FGF14: variants seen among roughly 807,000 people sequenced by gnomAD.
FGF14 encodes fibroblast growth factor 14.
Under a neutral mutation model 25.5 loss-of-function variants are expected in FGF14, and 5 were observed. The observed-to-expected ratio is 0.20, with a 90% CI of 0.10 to 0.41. The LOEUF (loss-of-function observed/expected upper bound fraction) is 0.41, where lower values mean the gene tolerates loss of function less well. Among genes scored for constraint, FGF14 ranks in the 10% least tolerant of loss-of-function variants. FGF14 has a pLI of 1.00. For synonymous variants in FGF14, 138 were observed against 118.3 expected (o/e 1.17, Z -1.08); for missense variants, 222 against 320.1 (o/e 0.69, Z 2.34).
chr13:101,862,558 G>T lies in FGF14; in HGVS notation c.408+6167C>A, dbSNP rs1436769160. 2.0e-5 allele frequency among the ~76,000 whole-genome samples: 3 copies of T among 152,072 alleles called. No individual in the cohort carries two copies. In the South Asian group the frequency reaches 6.2e-4, roughly 31 times the overall value. On this transcript the variant is annotated intron_variant, in intron 3 of 4. Transcript: ENST00000376143. ...GATGATTTATAACTAGTTAAATGCA[G>T]TTTACTAGCTGTATTTGTTTCTCAA...
chr13:102,016,033 A>T (rs1473265246), intron 1 of FGF14, among the ~76,000 whole-genome samples: 3 of 152,108 alleles, frequency 2.0e-5, no homozygotes, highest in Admixed American at 6.5e-5. Flanking sequence ...ATTTGGTATA[A>T]TATCCCTTCT....
At chr13:102,095,032 G>A (rs1008829252) in intron 1 of FGF14, among the ~76,000 whole-genome samples, 1 of 152,156 alleles carries the variant, frequency 6.6e-6, no homozygotes, top group African/African-American at 2.4e-5. Flanking sequence ...CATCATGAAA[G>A]CCTGGAAGGA....
intron 1 of FGF14, among the ~76,000 whole-genome samples, chr13:102,089,820 C>T (rs1045174002): frequency 6.6e-6 from 1 of 152,166 alleles, no homozygotes; most frequent in Non-Finnish European, 1.5e-5. Context: ...ATAATTTCTG[C>T]AGATCATTTT....
At chr13:101,858,955 TA>T (rs1440748538) in intron 3 of FGF14, among the ~76,000 whole-genome samples, 9 of 152,118 alleles carry the variant, frequency 5.9e-5, no homozygotes, top group Non-Finnish European at 1.5e-5. Context: ...CTCACTTCAT[TA>T]ATGCAAATAT....
chr13:102,274,858 T>C (rs2053429900), intron 1 of FGF14, among the ~76,000 whole-genome samples: 2 of 151,586 alleles, frequency 1.3e-5, no homozygotes, highest in South Asian at 2.1e-4. Flanking sequence ...GTAACCAATG[T>C]AGAGTTTTAG....
chr13:101,973,704 T>C (rs1329774573), intron 1 of FGF14, among the ~76,000 whole-genome samples: 1 of 152,178 alleles, frequency 6.6e-6, no homozygotes, highest in Non-Finnish European at 1.5e-5. Context: ...ATTCTAGCCG[T>C]GCTGGCAGCT....
At chr13:102,126,424 T>C (rs1298217376) in intron 1 of FGF14, among the ~76,000 whole-genome samples, 1 of 152,210 alleles carries the variant, frequency 6.6e-6, no homozygotes, top group Non-Finnish European at 1.5e-5. Context: ...TCTCAAATAT[T>C]CTATTGTATG....
At chr13:101,820,750 C>T (rs2042074167) in intron 3 of FGF14, among the ~76,000 whole-genome samples, 1 of 151,172 alleles carries the variant, frequency 6.6e-6, no homozygotes, top group Admixed American at 6.6e-5. Context: ...CTTATAGCTA[C>T]AGCTACAGTA....
chr13:102,065,593 A>C (rs546570229), intron 1 of FGF14, among the ~76,000 whole-genome samples: 34 of 152,238 alleles, frequency 2.2e-4, no homozygotes, highest in African/African-American at 7.7e-4. Context: ...TAGCCTTAAA[A>C]TTAAGGCATT....
chr13:101,955,707 T>C (rs985639979), intron 1 of FGF14, among the ~76,000 whole-genome samples: 3 of 152,300 alleles, frequency 2.0e-5, no homozygotes, highest in African/African-American at 4.8e-5. Flanking sequence ...GTATTCCCTA[T>C]GGTAAAATTA....
intron 1 of FGF14, among the ~76,000 whole-genome samples, chr13:102,321,859 C>A (rs2056256253): frequency 6.6e-6 from 1 of 152,198 alleles, no homozygotes; most frequent in African/African-American, 2.4e-5. Context: ...GCACCCCCTG[C>A]CAATGTCCCA....
At chr13:101,800,672 T>C (rs1283286607) in intron 3 of FGF14, among the ~76,000 whole-genome samples, 2 of 152,204 alleles carry the variant, frequency 1.3e-5, no homozygotes, top group African/African-American at 4.8e-5. Context: ...GATTGGCATA[T>C]TTTGTTGAAG....
chr13:102,140,457 A>G (rs2046601625), intron 1 of FGF14, among the ~76,000 whole-genome samples: 1 of 152,158 alleles, frequency 6.6e-6, no homozygotes, highest in Non-Finnish European at 1.5e-5. Context: ...TTTTACTTCA[A>G]AAAGAAACAA....
At chr13:101,953,749 G>C (rs1463249354) in intron 1 of FGF14, among the ~76,000 whole-genome samples, 1 of 151,424 alleles carries the variant, frequency 6.6e-6, no homozygotes, top group Non-Finnish European at 1.5e-5. Context: ...TGCCAACACG[G>C]CTGGCTAATT....
At chr13:102,088,884 G>A (rs182391123) in intron 1 of FGF14, among the ~76,000 whole-genome samples, 31 of 152,156 alleles carry the variant, frequency 2.0e-4, no homozygotes, top group African/African-American at 2.6e-4. Flanking sequence ...GAAAGTTACC[G>A]TATAAAGTAG....
intron 1 of FGF14, 104 bp from the exon 2 acceptor site, chr13:101,875,400 AG>A (rs2045339330): frequency 1.3e-6 from 1 of 776,544 alleles, no homozygotes; most frequent in Non-Finnish European, 2.2e-6. Flanking sequence ...ATTTTATACA[AG>A]TAGCATATTT....
intron 1 of FGF14, among the ~76,000 whole-genome samples, chr13:102,391,931 GC>G (rs2058442208): frequency 6.6e-6 from 1 of 152,164 alleles, no homozygotes; most frequent in Admixed American, 6.5e-5. Context: ...CAAATAAGTG[GC>G]TGTTGAAACA....
chr13:102,198,490 T>C (rs1168168363), intron 1 of FGF14, among the ~76,000 whole-genome samples: 2 of 152,224 alleles, frequency 1.3e-5, no homozygotes, highest in African/African-American at 4.8e-5. Context: ...GGCAGCCACC[T>C]AGTCTTAAAA....
chr13:101,938,690 C>T (rs960294694), intron 1 of FGF14, among the ~76,000 whole-genome samples: 1 of 152,108 alleles, frequency 6.6e-6, no homozygotes, highest in African/African-American at 2.4e-5. Flanking sequence ...TAATTGTTAT[C>T]CTCAGCCTAG....
Sources: gnomAD v4.1 joint callset for allele counts (sites outside exome capture counted in the v4.1 genomes callset) on GRCh38, gnomAD v4.1.1 for gene constraint, MANE v1.5 for transcripts, NCBI Gene and HGNC (gene_info 2026-07-23, HGNC 2026-07-21) for gene names.